AUNIP: variants seen among roughly 807,000 people sequenced by gnomAD.
AUNIP encodes the protein aurora kinase A and ninein interacting protein.
AUNIP carries 16 observed loss-of-function variants against 12.2 expected under a neutral mutation model. The ratio of observed to expected loss-of-function variants is 1.31; its 90% CI spans 0.88 to 1.99. AUNIP has a LOEUF of 1.99. AUNIP is among the 30% of genes most tolerant of loss of function. AUNIP has a pLI of 0.00. For synonymous variants in AUNIP, 142 were observed against 154.8 expected (o/e 0.92, Z 0.61); for missense variants, 411 against 419.1 (o/e 0.98, Z 0.17).
Position 25,834,822 on chromosome 1 carries a change from G to A in AUNIP, c.*171C>T. ...GGAAAGCCATGATGCCAATCCCACT[G>A]TCTTAACAATGGTACTGCCCTTTAT... On this transcript the variant is annotated 3_prime_UTR_variant, in exon 3 of 3. Transcript: ENST00000374298. 1 of 1,442,032 alleles carries A rather than the reference G, an allele frequency of 6.9e-7. No homozygotes were observed. Among genetic ancestry groups the A allele is most frequent in the African/African-American group, 1.4e-5 (1 of 70,040 alleles). The allele number at this position is 1,442,032 out of a possible 1,614,324, so 89.3% of individuals were successfully genotyped here. A position where few individuals can be genotyped will look rare whatever the true frequency, so the allele number is the denominator to read the frequency against.
intron 1 of AUNIP, among the ~76,000 whole-genome samples, chr1:25,854,801 C>T (rs114554965): frequency 0.014 from 2,203 of 152,272 alleles, 51 homozygotes; most frequent in African/African-American, 0.051. Flanking sequence ...CCCTCACTCA[C>T]ACAACTGTTG....
At chr1:25,833,355 A>G (rs2048270867), downstream of AUNIP, among the ~76,000 whole-genome samples, 1 of 152,004 alleles carries the variant, frequency 6.6e-6, no homozygotes, top group Admixed American at 6.6e-5. Flanking sequence ...GTCTCAAGCA[A>G]ACCTCCCACC....
downstream of AUNIP, among the ~76,000 whole-genome samples, chr1:25,833,252 C>T (rs1016845380): frequency 1.3e-5 from 2 of 151,958 alleles, no homozygotes; most frequent in African/African-American, 4.8e-5. Flanking sequence ...GTAGCTGGGA[C>T]TACAGGTATG....
chr1:25,837,630 G>C (rs2048313757), intron 1 of AUNIP, 76 bp from the exon 2 acceptor site: 1 of 1,451,588 alleles, frequency 6.9e-7, no homozygotes, highest in Admixed American at 1.9e-5. Context: ...GTACACACCA[G>C]TGATCCTCTG....
At chr1:25,842,951 C>T (rs2048355656) in intron 1 of AUNIP, among the ~76,000 whole-genome samples, 1 of 152,102 alleles carries the variant, frequency 6.6e-6, no homozygotes, top group Admixed American at 6.5e-5. Context: ...GAGGCTGAGG[C>T]AGGCAGATTG....
intron 1 of AUNIP, among the ~76,000 whole-genome samples, chr1:25,840,095 A>G (rs940770938): frequency 6.6e-6 from 1 of 152,232 alleles, no homozygotes; most frequent in African/African-American, 2.4e-5. Context: ...ATCTGTTAAT[A>G]GAAACAGACC....
intron 1 of AUNIP, among the ~76,000 whole-genome samples, chr1:25,856,623 T>C (rs1377938735): frequency 6.6e-6 from 1 of 151,724 alleles, no homozygotes; most frequent in African/African-American, 2.4e-5. Context: ...TGCAGTGAGC[T>C]GAGATCGCAC....
In AUNIP at chr1:25,834,771, A is replaced by G; in HGVS notation, c.*222T>C. On this transcript the variant is annotated 3_prime_UTR_variant, in exon 3 of 3. Coordinates refer to ENST00000374298, the MANE Select transcript of AUNIP (RefSeq NM_024037.3). ...GTGTTCATCATAGACTCATTCAGGG[A>G]ATTTACCAGCCACCACCTTCCTGAG... 1 of 1,402,678 alleles carries G rather than the reference A, an allele frequency of 7.1e-7. No individual in the cohort carries two copies. The highest frequency in any genetic ancestry group is 9.2e-7 in the Non-Finnish European group (1 of 1,082,114). 86.9% of individuals were successfully genotyped at this position (1,402,678 alleles called of 1,614,324 possible).
intron 2 of AUNIP, 112 bp from the exon 3 acceptor site, chr1:25,835,958 G>GTCTT (rs1229621313): frequency 1.4e-6 from 2 of 1,435,708 alleles, no homozygotes; most frequent in African/African-American, 2.9e-5. Flanking sequence ...TAGTGCAGGA[G>GTCTT]TCTTAAGACT....
intron 1 of AUNIP, among the ~76,000 whole-genome samples, chr1:25,849,980 T>G (rs577685874): frequency 4.8e-4 from 73 of 152,306 alleles, no homozygotes; most frequent in Middle Eastern, 6.8e-3. Context: ...CATCAGTTGA[T>G]GACTACTTGG....
rs148302702 is a variant in AUNIP, at chr1:25,845,837, C to A, written c.79-8283G>T. ...ACTAAGGCTTTTCTAATGCTGTGAT[C>A]CAAGCTAAGATGAGCTCCTGTCACT... On this transcript the variant is annotated intron_variant, in intron 1 of 2. Coordinates refer to ENST00000374298, the MANE Select transcript of AUNIP (RefSeq NM_024037.3). Among the ~76,000 whole-genome samples the A allele has an allele frequency of 2.6e-3, 396 of 152,242 alleles. 2 individuals carry two copies. Among genetic ancestry groups the A allele is most frequent in the African/African-American group, 8.9e-3 (369 of 41,530 alleles).
intron 1 of AUNIP, among the ~76,000 whole-genome samples, chr1:25,856,023 T>C (rs2048457480): frequency 6.6e-6 from 1 of 152,110 alleles, no homozygotes; most frequent in African/African-American, 2.4e-5. Context: ...AAGACAAATG[T>C]TTTCACCATA....
rs2048287615 is a variant in AUNIP at position 25,835,022 on chromosome 1, C to T, written c.1045G>A (p.Gly349Ser). The change falls in exon 3 of 3, where the codon GGT (glycine) becomes AGT (serine). Residue 349 changes from glycine (G) to serine (S), a missense_variant. Coordinates refer to ENST00000374298, the MANE Select transcript of AUNIP (RefSeq NM_024037.3). ...AATTGGTGTCTGATAACTTGATTAC[C>T]TTCAGAGTCCTGGGTAAAGAGCAAA... ...PDLLFTQDSE[G>S]NQVIRHQF The T allele has an allele frequency of 6.2e-7, 1 of 1,613,056 alleles. No homozygotes were observed. Among genetic ancestry groups the T allele is most frequent in the South Asian group, 1.1e-5 (1 of 91,008 alleles).
chr1:25,859,116 C>G (rs1253310617), intron 1 of AUNIP, among the ~76,000 whole-genome samples, 164 bp downstream of exon 1: 1 of 152,140 alleles, frequency 6.6e-6, no homozygotes, highest in Non-Finnish European at 1.5e-5. Flanking sequence ...GTTTTTCAAC[C>G]TTCTTCAGAC....
At chr1:25,840,660 T>G (rs1382637654) in intron 1 of AUNIP, among the ~76,000 whole-genome samples, 1 of 152,184 alleles carries the variant, frequency 6.6e-6, no homozygotes, top group African/African-American at 2.4e-5. Context: ...ATGACAGAAG[T>G]AACAAACACC....
chr1:25,851,323 A>C (rs2048422541), intron 1 of AUNIP, among the ~76,000 whole-genome samples: 1 of 152,158 alleles, frequency 6.6e-6, no homozygotes, highest in Non-Finnish European at 1.5e-5. Context: ...ACCAGACCAT[A>C]ATTTCCTTTT....
At chr1:25,855,193 T>C (rs990401638) in intron 1 of AUNIP, among the ~76,000 whole-genome samples, 1 of 151,980 alleles carries the variant, frequency 6.6e-6, no homozygotes, top group African/African-American at 2.4e-5. Context: ...TCTAACACTA[T>C]AACCTACCAC....
Position 25,835,461 on chromosome 1 carries a change from AT to A in AUNIP, c.605del (p.His202LeufsTer25). On this transcript the variant is annotated frameshift_variant, in exon 3 of 3. Coordinates refer to ENST00000374298, the MANE Select transcript of AUNIP (RefSeq NM_024037.3). LOFTEE classifies it low-confidence loss of function (END_TRUNC). ...GDSARKWEWL[H>X]ESKKNYQSME... ...TACTCTGATAGTTCTTCTTAGACTC[AT>A]GAAGCCATTCCCATTTCCTGGCAGA... 6.2e-7 allele frequency: 1 copy of A among 1,614,206 alleles called. No homozygotes were observed. Among genetic ancestry groups the A allele is most frequent in the Non-Finnish European group, 8.5e-7 (1 of 1,180,048 alleles).
chr1:25,848,843 A>G (rs1396967602), intron 1 of AUNIP, among the ~76,000 whole-genome samples: 1 of 152,242 alleles, frequency 6.6e-6, no homozygotes, highest in Non-Finnish European at 1.5e-5. Context: ...TGCTGAGAGC[A>G]GTTGGCATTG....
Sources: gnomAD v4.1 joint callset for allele counts (sites outside exome capture counted in the v4.1 genomes callset) on GRCh38, gnomAD v4.1.1 for gene constraint, MANE v1.5 for transcripts, NCBI Gene and HGNC (gene_info 2026-07-23, HGNC 2026-07-21) for gene names.